Variants in VEGFC observed in about 807,000 individuals in gnomAD.
The protein encoded by VEGFC is vascular endothelial growth factor C.
A neutral mutation model predicts 46.1 loss-of-function variants in VEGFC; 12 were observed. The ratio of observed to expected loss-of-function variants is 0.26; its 90% CI spans 0.17 to 0.42. VEGFC has a LOEUF of 0.42. VEGFC is among the 10% of genes least tolerant of loss of function. The pLI, the probability that VEGFC is intolerant of heterozygous loss-of-function variation, is 1.00. For synonymous variants in VEGFC, 232 were observed against 195.5 expected, an observed-to-expected ratio of 1.19 and a Z score of -1.56; for missense variants, 488 against 529.4, an observed-to-expected ratio of 0.92 and a Z score of 0.77.
intron 4 of VEGFC, among the ~76,000 whole-genome samples, chr4:176,707,358 T>C (rs1158806929): frequency 6.6e-6 from 1 of 152,218 alleles, no homozygotes; most frequent in African/African-American, 2.4e-5. Context: ...GCCACCGTGG[T>C]GGTGATTGTT....
At chr4:176,782,620 T>G (rs898455671) in intron 1 of VEGFC, among the ~76,000 whole-genome samples, 1 of 152,196 alleles carries the variant, frequency 6.6e-6, no homozygotes, top group African/African-American at 2.4e-5. Flanking sequence ...AAGCTTCATT[T>G]TATTATATGC....
intron 1 of VEGFC, among the ~76,000 whole-genome samples, chr4:176,783,102 C>T (rs1029257801): frequency 6.6e-6 from 1 of 152,170 alleles, no homozygotes; most frequent in African/African-American, 2.4e-5. Flanking sequence ...CAAACAAAAT[C>T]AACTATTTGG....
At chr4:176,729,260 T>A (rs895064230) in intron 2 of VEGFC, among the ~76,000 whole-genome samples, 6 of 152,188 alleles carry the variant, frequency 3.9e-5, no homozygotes, top group African/African-American at 1.4e-4. Flanking sequence ...AATATAGCCA[T>A]CTGTTTTAAA....
At chr4:176,717,396 A>G (rs547385410) in intron 3 of VEGFC, among the ~76,000 whole-genome samples, 129 of 152,264 alleles carry the variant, frequency 8.5e-4, no homozygotes, top group African/African-American at 2.7e-3. Flanking sequence ...TTTAATAGGA[A>G]TATTTAATAG....
At position 176,792,808 on chromosome 4, in the gene VEGFC, A is replaced by C. The variant is rs917677873; in HGVS notation, c.-497T>G. Reference sequence around the variant, plus strand: ...TGGCGGCGGTGCCGGGGGCGGGAGGAGGGCGGCGGGGCGGCTGGCGGCGGC... The same window carrying C: ...TGGCGGCGGTGCCGGGGGCGGGAGGCGGGCGGCGGGGCGGCTGGCGGCGGC... On this transcript the variant is annotated 5_prime_UTR_variant, in exon 1 of 7. Transcript: ENST00000618562. This position sits in a 1 kb window ranked among gnomAD's most constrained non-coding sequence, Gnocchi z 6.3. 1 of 143,264 alleles carries C rather than the reference A, an allele frequency of 7.0e-6. No individual in the cohort carries two copies. Among genetic ancestry groups the C allele is most frequent in the African/African-American group, 2.5e-5 (1 of 39,498 alleles). 8.9% of individuals were successfully genotyped at this position (143,264 alleles called of 1,614,324 possible).
Position 176,730,884 on chromosome 4 carries a change from C to A in VEGFC, c.148-1138G>T, listed in dbSNP as rs1208289454. Among the ~76,000 whole-genome samples, 3 of 151,798 alleles carry A rather than the reference C, an allele frequency of 2.0e-5. No individual in the cohort carries two copies. The East Asian group carries it at 5.8e-4, about 29-fold the overall frequency. On this transcript the variant is annotated intron_variant, in intron 1 of 6. Coordinates refer to ENST00000618562, the MANE Select transcript of VEGFC (RefSeq NM_005429.5). The stretch of plus-strand genomic sequence containing the variant: ...TGTACCATATATTGAGAAACATAAT[C>A]TAATCTCATTTTTTAATTTCATTAT...
At chr4:176,730,777 T>G (rs965916540) in intron 1 of VEGFC, among the ~76,000 whole-genome samples, 1 of 152,150 alleles carries the variant, frequency 6.6e-6, no homozygotes, top group Non-Finnish European at 1.5e-5. Context: ...ATATTTGCCT[T>G]AAAATTGAAA....
At position 176,738,852 on chromosome 4, in the gene VEGFC, G is replaced by GA. The variant is rs201519384; in HGVS notation, c.148-9107dup. 4.3e-3 allele frequency among the ~76,000 whole-genome samples: 643 copies of GA among 150,196 alleles called. 4 individuals are homozygous for GA. The highest frequency in any genetic ancestry group is 0.015 in the African/African-American group (608 of 40,992). ...GTCTACAAGGAACTTAAATTTACAA[G>GA]AAAAAAAAATCCCATTAAAAAGTGG... On this transcript the variant is annotated intron_variant, in intron 1 of 6. Coordinates refer to ENST00000618562, the MANE Select transcript of VEGFC (RefSeq NM_005429.5).
chr4:176,753,387 A>G (rs1329018339), intron 1 of VEGFC, among the ~76,000 whole-genome samples: 1 of 152,076 alleles, frequency 6.6e-6, no homozygotes, highest in African/African-American at 2.4e-5. Flanking sequence ...TGGCAGCTGG[A>G]GTAACAGTAT....
intron 1 of VEGFC, among the ~76,000 whole-genome samples, chr4:176,762,049 T>C (rs1047774032): frequency 2.6e-5 from 4 of 152,224 alleles, no homozygotes; most frequent in African/African-American, 9.6e-5. Context: ...CCCATACCTA[T>C]GACTGAAGAG....
At chr4:176,721,662 C>T (rs774657473) in intron 3 of VEGFC, among the ~76,000 whole-genome samples, 29 of 152,288 alleles carry the variant, frequency 1.9e-4, no homozygotes, top group East Asian at 3.9e-4. Flanking sequence ...GCTTGACCGA[C>T]TGGCTGAATG....
intron 1 of VEGFC, among the ~76,000 whole-genome samples, chr4:176,766,883 T>C (rs1055944477): frequency 6.6e-6 from 1 of 151,656 alleles, no homozygotes; most frequent in Non-Finnish European, 1.5e-5. Context: ...ATAAAGCTTC[T>C]ACAAGACTAT....
In VEGFC at chr4:176,735,060, T is replaced by A. The variant is rs566233751; in HGVS notation, c.148-5314A>T. Reference sequence around the variant, plus strand: ...TTATTGCTTTGAAAAAAGGGTCTATTTCAAGCCACCTCTGTCATGGAATTT... The same window carrying A: ...TTATTGCTTTGAAAAAAGGGTCTATATCAAGCCACCTCTGTCATGGAATTT... On this transcript the variant is annotated intron_variant, in intron 1 of 6. Transcript: ENST00000618562. Among the ~76,000 whole-genome samples, 12 of 151,916 alleles carry A rather than the reference T, an allele frequency of 7.9e-5. No homozygotes were observed. The South Asian group carries it at 2.5e-3, about 31-fold the overall frequency.
At chr4:176,721,508 G>C (rs1734786174) in intron 3 of VEGFC, among the ~76,000 whole-genome samples, 1 of 152,210 alleles carries the variant, frequency 6.6e-6, no homozygotes. Flanking sequence ...TATTAGGCTT[G>C]TCCAAGAGGA....
chr4:176,685,858 A>C (rs1291633286), intron 6 of VEGFC, among the ~76,000 whole-genome samples: 1 of 152,172 alleles, frequency 6.6e-6, no homozygotes, highest in Non-Finnish European at 1.5e-5. Context: ...AGATCCACTA[A>C]AGCCTTTTTA....
intron 4 of VEGFC, chr4:176,689,361 G>A (rs1734106698): frequency 6.6e-6 from 1 of 152,106 alleles, no homozygotes; most frequent in Admixed American, 6.6e-5. Flanking sequence ...ATCACATAGA[G>A]GAATTTTTCA....
chr4:176,684,266 G>A (rs1188755974), intron 6 of VEGFC, among the ~76,000 whole-genome samples: 1 of 152,200 alleles, frequency 6.6e-6, no homozygotes. Context: ...TATAACAAAT[G>A]GAAGGATGAG....
At position 176,779,832 on chromosome 4, in the gene VEGFC, G is replaced by A. The variant is rs201878500; in HGVS notation, c.147+12333C>T. ...GAAAACCAGAAACTGTTCTGGACAA[G>A]AATGAACTTAAACATGGACAGAAAA... is the stretch of plus-strand genomic sequence containing the variant. On this transcript the variant is annotated intron_variant, in intron 1 of 6. Transcript: ENST00000618562. Among the ~76,000 whole-genome samples the A allele has an allele frequency of 1.4e-4, 22 of 152,268 alleles. No individual in the cohort carries two copies. The East Asian group carries it at 3.9e-3, about 27-fold the overall frequency.
At chr4:176,701,481 G>GC (rs1491297837) in intron 4 of VEGFC, among the ~76,000 whole-genome samples, 1 of 152,086 alleles carries the variant, frequency 6.6e-6, no homozygotes, top group Non-Finnish European at 1.5e-5. Flanking sequence ...CAATCTATCA[G>GC]CAAGCCATAG....
Sources: allele counts gnomAD v4.1 joint callset (sites outside exome capture counted in the v4.1 genomes callset), GRCh38; gene constraint gnomAD v4.1.1; non-coding constraint Gnocchi (gnomAD v3.1); transcripts MANE v1.5; gene names NCBI Gene and HGNC (gene_info 2026-07-23, HGNC 2026-07-21).